Variants in EPHA6 observed in about 807,000 individuals in gnomAD.
EPHA6 encodes the protein ephrin type-A receptor 6.
Under a neutral mutation model 112.0 loss-of-function variants are expected in EPHA6, and 50 were observed. That is an observed-to-expected ratio of 0.45 (90% CI 0.36 to 0.56). EPHA6 has a LOEUF of 0.56. EPHA6 is among the 20% of genes least tolerant of loss of function. The pLI, the probability that EPHA6 is intolerant of heterozygous loss-of-function variation, is 0.00. For synonymous variants in EPHA6, 529 were observed against 490.7 expected (o/e 1.08, Z -1.03); for missense variants, 1,280 against 1,417.4 (o/e 0.90, Z 1.56).
intron 3 of EPHA6, among the ~76,000 whole-genome samples, chr3:97,145,406 A>G (rs1309424583): frequency 4.6e-5 from 7 of 151,360 alleles, no homozygotes; most frequent in Non-Finnish European, 1.5e-5. Flanking sequence ...AATATTTTTA[A>G]TATCCAAAAT....
intron 5 of EPHA6, among the ~76,000 whole-genome samples, chr3:97,358,076 A>C (rs2084176641): frequency 6.6e-6 from 1 of 152,174 alleles, no homozygotes; most frequent in African/African-American, 2.4e-5. Flanking sequence ...TCAACAGTTC[A>C]AACCCGTGTT....
At chr3:96,947,145 A>T (rs2107707836) in intron 2 of EPHA6, among the ~76,000 whole-genome samples, 1 of 151,696 alleles carries the variant, frequency 6.6e-6, no homozygotes, top group Non-Finnish European at 1.5e-5. Context: ...GTTCACTCTG[A>T]TGGTAGTTTC....
chr3:96,837,057 G>T (rs1373399028), intron 1 of EPHA6, among the ~76,000 whole-genome samples: 1 of 152,122 alleles, frequency 6.6e-6, no homozygotes, highest in East Asian at 1.9e-4. Context: ...TAGACTGAGT[G>T]ATAAGATAGG....
At chr3:97,308,132 G>A (rs1283512359) in intron 5 of EPHA6, among the ~76,000 whole-genome samples, 2 of 151,550 alleles carry the variant, frequency 1.3e-5, no homozygotes, top group Non-Finnish European at 1.5e-5. Flanking sequence ...TTTACAAATT[G>A]TGTTTTAAAT....
At chr3:97,090,483 AT>A (rs2047030231) in intron 3 of EPHA6, among the ~76,000 whole-genome samples, 1 of 152,108 alleles carries the variant, frequency 6.6e-6, no homozygotes. Context: ...ATTACAATAT[AT>A]TCAGCTCAAT....
chr3:97,540,623 G>T (rs982098340), intron 11 of EPHA6, among the ~76,000 whole-genome samples: 1 of 152,048 alleles, frequency 6.6e-6, no homozygotes, highest in African/African-American at 2.4e-5. Flanking sequence ...CCTAAACTAT[G>T]CTGCTAATTG....
chr3:97,382,231 T>A (rs2085791815), intron 5 of EPHA6, among the ~76,000 whole-genome samples: 1 of 152,010 alleles, frequency 6.6e-6, no homozygotes, highest in Non-Finnish European at 1.5e-5. Context: ...TTATAGCAAG[T>A]TCATGGAAAT....
chr3:96,960,768 C>G (rs1228618734), intron 2 of EPHA6, among the ~76,000 whole-genome samples: 2 of 152,110 alleles, frequency 1.3e-5, no homozygotes, highest in Non-Finnish European at 2.9e-5. Flanking sequence ...CTCTTTTATT[C>G]TAGGTTGTTA....
intron 2 of EPHA6, among the ~76,000 whole-genome samples, chr3:96,971,354 A>G (rs1418550394): frequency 1.3e-5 from 2 of 152,132 alleles, no homozygotes; most frequent in Admixed American, 6.6e-5. Context: ...CTTTGTTATT[A>G]AATATCTTTG....
In EPHA6 at chr3:97,616,467, C is replaced by G. The variant is rs529874773; in HGVS notation, c.2574+5613C>G. ...GACAGAAGTAGGCTTCCAAATGTGT[C>G]TAAGAAAATCTTCACTGAGCTAAAG... On this transcript the variant is annotated intron_variant, in intron 13 of 17. Coordinates refer to ENST00000389672, the MANE Select transcript of EPHA6 (RefSeq NM_001080448.3). Among the ~76,000 whole-genome samples the G allele has an allele frequency of 3.9e-5, 6 of 152,162 alleles. No homozygotes were observed. The East Asian group carries it at 7.7e-4, about 20-fold the overall frequency.
Position 96,987,744 on chromosome 3 carries a change from A to C in EPHA6, c.865A>C (p.Ile289Leu). Reference protein sequence around the residue: ...YLAFQDIGACIALVSVRVFYK... With the variant: ...YLAFQDIGACLALVSVRVFYK... Reference sequence around the variant, plus strand: ...GGCTTTTCAAGACATTGGGGCGTGCATTGCCCTGGTTTCAGTCCGTGTTTT... The same window carrying C: ...GGCTTTTCAAGACATTGGGGCGTGCCTTGCCCTGGTTTCAGTCCGTGTTTT... The change falls in exon 3 of 18, where the codon ATT becomes CTT. Residue 289 changes from isoleucine to leucine, a missense_variant. By Grantham distance (5) the Ile-to-Leu change is conservative. Coordinates refer to ENST00000389672, the MANE Select transcript of EPHA6 (RefSeq NM_001080448.3). The C allele has an allele frequency of 6.2e-7, 1 of 1,613,226 alleles. No individual in the cohort carries two copies. The highest frequency in any genetic ancestry group is 8.5e-7 in the Non-Finnish European group (1 of 1,179,478).
At chr3:97,465,678 C>G (rs913865438) in intron 7 of EPHA6, among the ~76,000 whole-genome samples, 1 of 151,984 alleles carries the variant, frequency 6.6e-6, no homozygotes, top group African/African-American at 2.4e-5. Flanking sequence ...AATAGCAGGT[C>G]CTAAAAGAAA....
intron 3 of EPHA6, among the ~76,000 whole-genome samples, chr3:97,072,416 A>G (rs2046389087): frequency 1.3e-5 from 2 of 152,106 alleles, no homozygotes; most frequent in Non-Finnish European, 1.5e-5. Context: ...GTGAAGACAC[A>G]TGAAGAACAT....
At chr3:96,900,706 G>T (rs868802830) in intron 2 of EPHA6, among the ~76,000 whole-genome samples, 100 of 152,230 alleles carry the variant, frequency 6.6e-4, no homozygotes, top group African/African-American at 2.2e-3. Flanking sequence ...TTTTGCCACA[G>T]AAATAGGTTC....
At chr3:97,581,006 G>A (rs948619765) in intron 11 of EPHA6, among the ~76,000 whole-genome samples, 8 of 152,196 alleles carry the variant, frequency 5.3e-5, no homozygotes, top group Non-Finnish European at 1.0e-4. Flanking sequence ...TGAATGCTAA[G>A]TCAGTCTCTC....
At chr3:97,479,640 T>A (rs1376604911) in intron 9 of EPHA6, among the ~76,000 whole-genome samples, 3 of 152,178 alleles carry the variant, frequency 2.0e-5, no homozygotes, top group African/African-American at 7.2e-5. Flanking sequence ...TCAAGTTATT[T>A]ACCACTCACA....
intron 10 of EPHA6, among the ~76,000 whole-genome samples, chr3:97,520,010 C>T (rs1318058017): frequency 6.7e-6 from 1 of 150,264 alleles, no homozygotes; most frequent in African/African-American, 2.5e-5. Context: ...CTCTGTTGCC[C>T]AGGCTGGAGT....
chr3:97,546,194 G>T (rs573862894), intron 11 of EPHA6, among the ~76,000 whole-genome samples: 3 of 152,288 alleles, frequency 2.0e-5, no homozygotes, highest in South Asian at 2.1e-4. Flanking sequence ...TTTTTGCATT[G>T]GCTGGTACTG....
chr3:97,415,549 A>C (rs1438018439), intron 6 of EPHA6, among the ~76,000 whole-genome samples: 1 of 152,064 alleles, frequency 6.6e-6, no homozygotes, highest in African/African-American at 2.4e-5. Context: ...ACAAACTCAA[A>C]CTGGTCCTGT....
Sources: allele counts gnomAD v4.1 joint callset (sites outside exome capture counted in the v4.1 genomes callset), GRCh38; gene constraint gnomAD v4.1.1; transcripts MANE v1.5; gene names NCBI Gene and HGNC (gene_info 2026-07-23, HGNC 2026-07-21).